FAM13A: variants seen among roughly 807,000 people sequenced by gnomAD.
The protein encoded by FAM13A is family with sequence similarity 13 member A.
Under a neutral mutation model 129.6 loss-of-function variants are expected in FAM13A, and 76 were observed. The ratio of observed to expected loss-of-function variants is 0.59; its 90% CI spans 0.49 to 0.71. The LOEUF (loss-of-function observed/expected upper bound fraction) is 0.71. Ranked by LOEUF, FAM13A falls within the 30% of genes least tolerant of loss-of-function variation. The pLI, the probability that FAM13A is intolerant of heterozygous loss-of-function variation, is 0.00. For missense variants in FAM13A, 1,108 were observed against 1,249.3 expected (o/e 0.89, Z 1.70); for synonymous variants, 443 against 449.9 (o/e 0.98, Z 0.20).
At chr4:88,838,148 G>A (rs570375308) in intron 7 of FAM13A, among the ~76,000 whole-genome samples, 19 of 152,006 alleles carry the variant, frequency 1.2e-4, no homozygotes, top group Non-Finnish European at 2.5e-4. Context: ...AGGGACTTAA[G>A]TTGTCCATGA....
At chr4:88,880,399 C>G (rs899013403) in intron 6 of FAM13A, among the ~76,000 whole-genome samples, 7 of 152,072 alleles carry the variant, frequency 4.6e-5, no homozygotes, top group African/African-American at 1.7e-4. Flanking sequence ...AGCGAAATAT[C>G]AGAGTAGAGG....
chr4:88,762,713 T>C (rs904921692), intron 13 of FAM13A, among the ~76,000 whole-genome samples: 2 of 152,118 alleles, frequency 1.3e-5, no homozygotes, highest in African/African-American at 4.8e-5. Flanking sequence ...TGAAGCACCT[T>C]GCCCAGTTGC....
intron 7 of FAM13A, among the ~76,000 whole-genome samples, chr4:88,834,789 C>A (rs1734529052): frequency 6.6e-6 from 1 of 152,100 alleles, no homozygotes. Context: ...AGAATTTGGC[C>A]AAACCAAGTG....
At chr4:88,829,639 G>C (rs1035951883) in intron 7 of FAM13A, among the ~76,000 whole-genome samples, 1 of 152,164 alleles carries the variant, frequency 6.6e-6, no homozygotes, top group Non-Finnish European at 1.5e-5. Context: ...TAGTTTTCCA[G>C]CAAACTGTGT....
intron 2 of FAM13A, among the ~76,000 whole-genome samples, chr4:89,024,692 T>G (rs1767703880): frequency 6.6e-6 from 1 of 152,156 alleles, no homozygotes; most frequent in African/African-American, 2.4e-5. Context: ...TAAAACAAAT[T>G]GAAGTATTAT....
intron 6 of FAM13A, among the ~76,000 whole-genome samples, chr4:88,868,465 A>G (rs1409325874): frequency 6.6e-6 from 1 of 152,016 alleles, no homozygotes; most frequent in Non-Finnish European, 1.5e-5. Flanking sequence ...CCCACTTCTC[A>G]TTTGGATTAT....
At chr4:88,823,770 C>T (rs1182270321) in intron 7 of FAM13A, among the ~76,000 whole-genome samples, 1 of 152,208 alleles carries the variant, frequency 6.6e-6, no homozygotes, top group African/African-American at 2.4e-5. Context: ...TGTTTGTTTA[C>T]ACTGCGGTGG....
chr4:88,971,356 C>T (rs1387134606), intron 4 of FAM13A, among the ~76,000 whole-genome samples: 22 of 152,142 alleles, frequency 1.4e-4, no homozygotes, highest in East Asian at 1.9e-4. Context: ...TGATGCTTTT[C>T]GTTTTCATTC....
chr4:88,964,234 C>A (rs886323809), intron 4 of FAM13A, among the ~76,000 whole-genome samples: 1 of 152,176 alleles, frequency 6.6e-6, no homozygotes, highest in African/African-American at 2.4e-5. Flanking sequence ...TTACCAAACA[C>A]TTATTGCTTT....
At position 88,749,889 on chromosome 4, in the gene FAM13A, C is replaced by T. The variant is rs534502823; in HGVS notation, c.1961G>A (p.Gly654Glu). The change falls in exon 16 of 24, where the codon GGG becomes GAG. Residue 654 changes from glycine (G) to glutamate (E), a missense_variant. Gly to Glu is a moderately conservative substitution (Grantham distance 98, BLOSUM62 -2). This residue lies in a region of FAM13A where 529 missense variants were observed against 621.2 expected (regional missense o/e 0.85). Coordinates refer to ENST00000264344, the MANE Select transcript of FAM13A (RefSeq NM_014883.4). The part of the protein sequence containing the change: ...SFMRRRSSSL[G>E]SYDDEQEDLT... ...GTCCTCTTGCTCATCATCATAGGAC[C>T]CCAGAGAGGAGCTTCGCCGCCTGTG... 7.7e-5 allele frequency: 125 copies of T among 1,613,896 alleles called. No homozygotes were observed. The highest frequency in any genetic ancestry group is 6.8e-4 in the Middle Eastern group (4 of 5,910).
At chr4:88,818,076 A>G (rs1189061924) in intron 7 of FAM13A, among the ~76,000 whole-genome samples, 1 of 152,126 alleles carries the variant, frequency 6.6e-6, no homozygotes, top group Non-Finnish European at 1.5e-5. Context: ...CTCTAACTCC[A>G]GGGTTCAGGT....
At chr4:88,806,010 C>A (rs915723517) in intron 7 of FAM13A, among the ~76,000 whole-genome samples, 6 of 152,036 alleles carry the variant, frequency 3.9e-5, no homozygotes, top group African/African-American at 1.2e-4. Flanking sequence ...GCTATATTTT[C>A]TTTTCCTTTC....
intron 2 of FAM13A, among the ~76,000 whole-genome samples, chr4:89,024,060 G>A (rs1300740513): frequency 6.6e-6 from 1 of 152,140 alleles, no homozygotes; most frequent in African/African-American, 2.4e-5. Flanking sequence ...GTTTAGAAAT[G>A]AAGAAAAAAT....
intron 8 of FAM13A, among the ~76,000 whole-genome samples, chr4:88,803,889 T>C (rs949791569): frequency 6.6e-6 from 1 of 152,196 alleles, no homozygotes; most frequent in Non-Finnish European, 1.5e-5. Flanking sequence ...CTGGGACTAT[T>C]TCAACAAGTC....
intron 3 of FAM13A, among the ~76,000 whole-genome samples, chr4:89,001,762 A>C (rs1166430241): frequency 6.6e-6 from 1 of 152,078 alleles, no homozygotes; most frequent in Non-Finnish European, 1.5e-5. Context: ...GACAGGCTTG[A>C]CTCCAAGGTA....
intron 6 of FAM13A, among the ~76,000 whole-genome samples, chr4:88,886,588 TAAAAA>T: frequency 7.0e-6 from 1 of 142,134 alleles, no homozygotes; most frequent in Non-Finnish European, 1.5e-5. Flanking sequence ...GACTCCATCT[TAAAAA>T]GAAAAAAAAA....
intron 1 of FAM13A, among the ~76,000 whole-genome samples, chr4:89,043,151 C>T (rs1292853028): frequency 6.6e-6 from 1 of 152,132 alleles, no homozygotes; most frequent in African/African-American, 2.4e-5. Context: ...TACTTACCAC[C>T]TGAAAGATAG....
chr4:88,935,671 T>C (rs1753733869), intron 5 of FAM13A, among the ~76,000 whole-genome samples: 1 of 152,220 alleles, frequency 6.6e-6, no homozygotes, highest in African/African-American at 2.4e-5. Context: ...CCTTTTAGTT[T>C]CTATCTAATG....
At chr4:88,834,525 G>T (rs1734485016) in intron 7 of FAM13A, among the ~76,000 whole-genome samples, 1 of 152,008 alleles carries the variant, frequency 6.6e-6, no homozygotes. Context: ...ATTTCACTAT[G>T]CATATCAAAA....
Sources: allele counts gnomAD v4.1 joint callset (sites outside exome capture counted in the v4.1 genomes callset), GRCh38; gene constraint gnomAD v4.1.1; regional missense constraint gnomAD v4.1.1; transcripts MANE v1.5; gene names NCBI Gene and HGNC (gene_info 2026-07-23, HGNC 2026-07-21).